The following IL37 variants were observed in gnomAD, a reference collection of about 807,000 sequenced individuals.
IL37 encodes the protein interleukin-37.
Under a neutral mutation model 15.4 loss-of-function variants are expected in IL37, and 15 were observed. That is an observed-to-expected ratio of 0.98 (90% confidence interval 0.65 to 1.50). IL37 has a LOEUF of 1.50. IL37 is among the 40% of genes most tolerant of loss of function. IL37 has a pLI of 0.00. For synonymous variants in IL37, 98 were observed against 97.4 expected (o/e 1.01, Z -0.03); for missense variants, 269 against 261.7 (o/e 1.03, Z -0.19).
intron 4 of IL37, 97 bp from the exon 5 acceptor site, chr2:112,917,538 G>A: frequency 8.0e-7 from 1 of 1,245,346 alleles, no homozygotes; most frequent in South Asian, 1.5e-5. Context: ...ACAGAGTCAA[G>A]GGAGAGGGAC....
At chr2:112,918,431 T>C in intron 5 of IL37, 130 bp from the exon 6 acceptor site, 1 of 1,064,128 alleles carries the variant, frequency 9.4e-7, no homozygotes, top group Non-Finnish European at 1.3e-6. Context: ...ACACGTCATC[T>C]TTCCCAAGGA....
chr2:112,918,447 T>A, intron 5 of IL37, 114 bp from the exon 6 acceptor site: 1 of 1,216,184 alleles, frequency 8.2e-7, no homozygotes, highest in East Asian at 2.4e-5. Flanking sequence ...AAGGACCATC[T>A]GCCTTCTCTC....
Position 112,918,633 on chromosome 2 carries a change from G to C in IL37, c.481G>C (p.Val161Leu). The change falls in exon 6 of 6, where the codon GTG becomes CTG. Residue 161 changes from valine (V) to leucine (L), a missense_variant. Physicochemically the swap from Val to Leu is conservative, Grantham distance 32 (BLOSUM62 1). Transcript: ENST00000263326. Reference sequence around the variant, plus strand: ...GCCCTTCATCTTTTATAGGGCTCAGGTGGGCTCCTGGAACATGCTGGAGTC... The same window carrying C: ...GCCCTTCATCTTTTATAGGGCTCAGCTGGGCTCCTGGAACATGCTGGAGTC... The part of the protein sequence containing the change: ...RRPFIFYRAQ[V>L]GSWNMLESAA... The C allele has an allele frequency of 1.2e-6, 2 of 1,614,054 alleles. No individual in the cohort carries two copies. The highest frequency in any genetic ancestry group is 8.5e-7 in the Non-Finnish European group (1 of 1,180,036).
At chr2:112,918,501 T>C in intron 5 of IL37, 60 bp from the exon 6 acceptor site, 1 of 1,544,450 alleles carries the variant, frequency 6.5e-7, no homozygotes, top group Non-Finnish European at 8.8e-7. Context: ...TGAGCACATG[T>C]GCTGTGTTTT....
chr2:112,913,942 G>A, intron 3 of IL37, 88 bp downstream of exon 3: 2 of 1,014,946 alleles, frequency 2.0e-6, no homozygotes, highest in Non-Finnish European at 3.1e-6. Flanking sequence ...TACAGGGTGG[G>A]AGAATTGTAG....
At chr2:112,915,768 T>C (rs186367597) in intron 3 of IL37, among the ~76,000 whole-genome samples, 17 of 152,262 alleles carry the variant, frequency 1.1e-4, no homozygotes, top group African/African-American at 4.1e-4. Context: ...CTGGGGCCAG[T>C]CATCTCTTCC....
chr2:112,913,657 T>C (rs1268728901), intron 2 of IL37, 135 bp from the exon 3 acceptor site: 3 of 723,688 alleles, frequency 4.1e-6, no homozygotes, highest in Non-Finnish European at 7.3e-6. Flanking sequence ...AAGCTATGAT[T>C]TAATGTCATT....
chr2:112,914,622 C>T (rs1018821364), intron 3 of IL37, among the ~76,000 whole-genome samples: 38 of 152,208 alleles, frequency 2.5e-4, no homozygotes, highest in Non-Finnish European at 4.4e-5. Context: ...ACTTCTCCAC[C>T]GCTGCTGCTG....
At chr2:112,917,012 T>C (rs1683326059) in intron 3 of IL37, 117 bp from the exon 4 acceptor site, 1 of 1,124,302 alleles carries the variant, frequency 8.9e-7, no homozygotes. Context: ...GTGGCTGTGA[T>C]GTCTGAGCCC....
At position 112,917,794 on chromosome 2, in the gene IL37, A is replaced by C; in HGVS notation, c.408+17A>C. On this transcript the variant is annotated intron_variant, in intron 5 of 5. Transcript: ENST00000263326. ...CAGCTGAAGGTGAGAGTTCTAGCTC[A>C]GTTTCCTGGGCCTTTGGCTACCCCA... is the stretch of plus-strand genomic sequence containing the variant. 1 of 1,613,958 alleles carries C rather than the reference A, an allele frequency of 6.2e-7. No individual in the cohort carries two copies. The highest frequency in any genetic ancestry group is 8.5e-7 in the Non-Finnish European group (1 of 1,179,952).
intron 3 of IL37, 128 bp from the exon 4 acceptor site, chr2:112,917,001 A>T: frequency 1.0e-6 from 1 of 998,876 alleles, no homozygotes; most frequent in Non-Finnish European, 1.5e-6. Flanking sequence ...AGAAATATTC[A>T]GTGGCTGTGA....
intron 4 of IL37, 135 bp downstream of exon 4, chr2:112,917,383 G>T: frequency 9.6e-7 from 1 of 1,040,946 alleles, no homozygotes. Context: ...AGGCCCCAGG[G>T]ACTAGGGCAT....
intron 1 of IL37, among the ~76,000 whole-genome samples, 102 bp downstream of exon 1, chr2:112,911,350 G>T (rs1185074828): frequency 6.6e-6 from 1 of 152,178 alleles, no homozygotes; most frequent in Non-Finnish European, 1.5e-5. Flanking sequence ...CCCACTGGAA[G>T]CACATCTGAA....
chr2:112,915,281 C>T (rs1350167711), intron 3 of IL37: 1 of 1,599,886 alleles, frequency 6.3e-7, no homozygotes, highest in Non-Finnish European at 8.6e-7. Context: ...AATGATGGTG[C>T]TAGAAAAGTA....
At chr2:112,915,251 G>A (rs570421318) in intron 3 of IL37, 68 of 1,613,424 alleles carry the variant, frequency 4.2e-5, no homozygotes, top group South Asian at 8.8e-5. Flanking sequence ...TTTAAGAAGC[G>A]CTTAAGAGGT....
At position 112,913,109 on chromosome 2, in the gene IL37, GA is replaced by G; in HGVS notation, c.82+18del. The G allele has an allele frequency of 1.3e-6, 2 of 1,515,430 alleles. No individual in the cohort carries two copies. The highest frequency in any genetic ancestry group is 1.8e-6 in the Non-Finnish European group (2 of 1,133,020). 93.9% of individuals were successfully genotyped at this position (1,515,430 alleles called of 1,614,324 possible). ...CTGCTTAGAAGGTAAGGTTCTTGTA[GA>G]AATCTACCTCAGGGCCAAAGTGTAA... is the stretch of plus-strand genomic sequence containing the variant. On this transcript the variant is annotated intron_variant, in intron 2 of 5. Transcript: ENST00000263326.
chr2:112,914,414 A>G lies in IL37; in HGVS notation c.145+560A>G, dbSNP rs1432045513. On this transcript the variant is annotated intron_variant, in intron 3 of 5. Transcript: ENST00000263326. ...AGATGTGGAAATTTAAAGGTACTAT[A>G]ACGTCTGTCTGCCTGACTCAGGCTT... 2.0e-5 allele frequency among the ~76,000 whole-genome samples: 3 copies of G among 152,184 alleles called. No homozygotes were observed. In the East Asian group the frequency reaches 5.8e-4, roughly 29 times the overall value.
chr2:112,916,413 C>G (rs2104978078), intron 3 of IL37, among the ~76,000 whole-genome samples: 1 of 152,288 alleles, frequency 6.6e-6, no homozygotes, highest in East Asian at 1.9e-4. Flanking sequence ...AAATGAGTTG[C>G]TAGGAGCCCA....
chr2:112,913,732 A>G, intron 2 of IL37, 60 bp from the exon 3 acceptor site: 1 of 1,342,882 alleles, frequency 7.4e-7, no homozygotes, highest in Non-Finnish European at 1.1e-6. Flanking sequence ...GGTCTTTGAT[A>G]CCCCTAAATC....
Sources: gnomAD v4.1 joint callset for allele counts (sites outside exome capture counted in the v4.1 genomes callset) on GRCh38, gnomAD v4.1.1 for gene constraint, MANE v1.5 for transcripts, NCBI Gene and HGNC (gene_info 2026-07-23, HGNC 2026-07-21) for gene names.